Variants in PDE1C observed in about 807,000 individuals in gnomAD.
The protein encoded by PDE1C is dual specificity calcium/calmodulin-dependent 3',5'-cyclic nucleotide phosphodiesterase 1C.
PDE1C carries 62 observed loss-of-function variants against 93.1 expected under a neutral mutation model. The ratio of observed to expected loss-of-function variants is 0.67; its 90% CI spans 0.54 to 0.82. PDE1C has a LOEUF of 0.82. PDE1C is among the 40% of genes least tolerant of loss of function. The pLI, the probability that PDE1C is intolerant of heterozygous loss-of-function variation, is 0.00. For missense variants in PDE1C, 742 were observed against 884.6 expected, an observed-to-expected ratio of 0.84 and a Z score of 2.04; for synonymous variants, 325 against 310.1, an observed-to-expected ratio of 1.05 and a Z score of -0.50.
At chr7:32,251,657 T>G (rs1245135039) in intron 1 of PDE1C, among the ~76,000 whole-genome samples, 1 of 152,180 alleles carries the variant, frequency 6.6e-6, no homozygotes, top group Non-Finnish European at 1.5e-5. Flanking sequence ...GCACAGTGCC[T>G]GGCTCAGAGG....
At chr7:32,298,737 G>C (rs1305918278) in exon 1 of PDE1C, 1 of 1,589,044 alleles carries the variant, frequency 6.3e-7, no homozygotes, top group African/African-American at 1.3e-5. Context: ...GTCCGTCATG[G>C]CTCGGCCGGC....
chr7:31,861,877 C>G (rs567121088), intron 7 of PDE1C, among the ~76,000 whole-genome samples: 122 of 152,290 alleles, frequency 8.0e-4, no homozygotes, highest in Non-Finnish European at 1.3e-3. Context: ...ACTGACTGCA[C>G]TTAGGATAAA....
intron 2 of PDE1C, among the ~76,000 whole-genome samples, chr7:31,959,996 G>T (rs1425285693): frequency 1.3e-5 from 2 of 151,132 alleles, no homozygotes; most frequent in African/African-American, 4.9e-5. Flanking sequence ...CTCCTATATA[G>T]CTGGGATTAC....
chr7:32,206,831 T>C (rs1449794185), intron 2 of PDE1C, among the ~76,000 whole-genome samples: 1 of 152,210 alleles, frequency 6.6e-6, no homozygotes, highest in African/African-American at 2.4e-5. Flanking sequence ...GGTTGGAAGC[T>C]GGTGTGCCTG....
chr7:31,896,013 A>ACATACATGCATG (rs749663488), intron 2 of PDE1C, among the ~76,000 whole-genome samples: 18 of 151,810 alleles, frequency 1.2e-4, no homozygotes, highest in African/African-American at 4.4e-4. Flanking sequence ...ATACATACAT[A>ACATACATGCATG]CATACATACA....
At chr7:31,993,406 G>GT (rs1784370552) in intron 2 of PDE1C, among the ~76,000 whole-genome samples, 2 of 152,198 alleles carry the variant, frequency 1.3e-5, no homozygotes, top group South Asian at 4.1e-4. Context: ...GCCTAGAAGG[G>GT]TATGGCTGCA....
chr7:32,335,264 G>T (rs1027440950), intron 1 of PDE1C, among the ~76,000 whole-genome samples: 1 of 152,180 alleles, frequency 6.6e-6, no homozygotes, highest in Non-Finnish European at 1.5e-5. Flanking sequence ...GTGTGACCCT[G>T]AATGAGTCAT....
At chr7:31,619,989 G>A in the PDE1C span, among the ~76,000 whole-genome samples, 38,549 of 152,166 alleles carry the variant, frequency 0.25, 5,294 homozygotes, top group Non-Finnish European at 0.3. Flanking sequence ...CTACGCCCAC[G>A]GAGTCTCGCT....
At chr7:32,407,492 C>T (rs1310065369) in intron 1 of PDE1C, among the ~76,000 whole-genome samples, 1 of 152,104 alleles carries the variant, frequency 6.6e-6, no homozygotes, top group African/African-American at 2.4e-5. Context: ...TCCTGCAATG[C>T]CCTCCTTCAT....
At chr7:32,132,864 A>C (rs1799997040) in intron 3 of PDE1C, among the ~76,000 whole-genome samples, 1 of 152,120 alleles carries the variant, frequency 6.6e-6, no homozygotes, top group Admixed American at 6.5e-5. Flanking sequence ...GCTAGTGAGA[A>C]CTTGGTATTA....
chr7:32,180,550 C>A (rs1328254170), intron 2 of PDE1C, among the ~76,000 whole-genome samples: 3 of 152,180 alleles, frequency 2.0e-5, no homozygotes, highest in African/African-American at 7.2e-5. Flanking sequence ...GAGGACACAG[C>A]AACCAGTCAT....
chr7:32,254,938 G>A (rs985615317), intron 1 of PDE1C, among the ~76,000 whole-genome samples: 1 of 152,156 alleles, frequency 6.6e-6, no homozygotes, highest in African/African-American at 2.4e-5. Flanking sequence ...TCCAGTTCAT[G>A]CCCTTAAATC....
chr7:31,765,713 G>A (rs1248030727), intron 17 of PDE1C, among the ~76,000 whole-genome samples: 1 of 152,198 alleles, frequency 6.6e-6, no homozygotes, highest in East Asian at 1.9e-4. Context: ...GACAGTTGCA[G>A]AGAGAACACT....
chr7:31,841,729 T>A (rs1186022280), intron 9 of PDE1C, among the ~76,000 whole-genome samples: 4 of 151,006 alleles, frequency 2.6e-5, no homozygotes, highest in African/African-American at 9.7e-5. Context: ...TGAGTCAGGA[T>A]TCTCCAGAGA....
At chr7:31,671,392 T>G in the PDE1C span, among the ~76,000 whole-genome samples, 7 of 152,160 alleles carry the variant, frequency 4.6e-5, no homozygotes, top group Non-Finnish European at 1.0e-4. Context: ...CAAGTTTGAG[T>G]GCCTTTGCCT....
At chr7:32,187,400 G>C (rs1053599076) in intron 2 of PDE1C, among the ~76,000 whole-genome samples, 10 of 152,010 alleles carry the variant, frequency 6.6e-5, no homozygotes, top group African/African-American at 2.4e-4. Flanking sequence ...ATGTGTCTGA[G>C]GTGATGAGAT....
intron 1 of PDE1C, among the ~76,000 whole-genome samples, chr7:32,339,669 C>T (rs77831918): frequency 0.048 from 7,257 of 152,032 alleles, 535 homozygotes; most frequent in African/African-American, 0.15. Flanking sequence ...CCCAGAAGCC[C>T]CATTGAAATG....
At chr7:31,878,111 G>A (rs1230130807) in intron 4 of PDE1C, 75 bp from the exon 5 acceptor site, 2 of 1,004,110 alleles carry the variant, frequency 2.0e-6, no homozygotes, top group Non-Finnish European at 1.5e-6. Flanking sequence ...CTCATACCAA[G>A]TATTGACAAA....
the PDE1C span, among the ~76,000 whole-genome samples, chr7:31,734,794 T>A: frequency 7.2e-5 from 11 of 152,196 alleles, no homozygotes; most frequent in Admixed American, 7.2e-4. Flanking sequence ...AAAAATTTCT[T>A]CTTTATATAT....
Sources: allele counts gnomAD v4.1 joint callset (sites outside exome capture counted in the v4.1 genomes callset), GRCh38; gene constraint gnomAD v4.1.1; transcripts MANE v1.5; gene names NCBI Gene and HGNC (gene_info 2026-07-23, HGNC 2026-07-21).